Variants in REXO5 observed in about 807,000 individuals in gnomAD.
The protein encoded by REXO5 is exonuclease NEF-sp.
A neutral mutation model predicts 88.5 loss-of-function variants in REXO5; 48 were observed. That is an observed-to-expected ratio of 0.54 (90% confidence interval 0.43 to 0.69). The LOEUF is 0.69. REXO5 is among the 30% of genes least tolerant of loss of function. The pLI, the probability that REXO5 is intolerant of heterozygous loss-of-function variation, is 0.00. For synonymous variants in REXO5, 311 were observed against 336.5 expected (o/e 0.92, Z 0.83); for missense variants, 749 against 912.2 (o/e 0.82, Z 2.30).
chr16:20,813,357 T>C (rs2152500368), intron 3 of REXO5, 55 bp downstream of exon 3: 1 of 926,028 alleles, frequency 1.1e-6, no homozygotes, highest in East Asian at 2.6e-5. Context: ...TTTTTTTTTT[T>C]TTTTTTTACC....
intron 15 of REXO5, among the ~76,000 whole-genome samples, chr16:20,843,354 G>A (rs1283937512): frequency 1.3e-5 from 2 of 152,054 alleles, no homozygotes; most frequent in Admixed American, 1.3e-4. Context: ...AGTGTCCTTT[G>A]ATATACAAAA....
Position 20,845,270 on chromosome 16 carries a change from A to T in REXO5, c.2124+29A>T, listed in dbSNP as rs777515055. Reference sequence around the variant, plus strand: ...AGTGAGTGAAGGCGTCTTGGAGAAGATGTCAGGAGAGTCCTGCTCAGTGAC... The same window carrying T: ...AGTGAGTGAAGGCGTCTTGGAGAAGTTGTCAGGAGAGTCCTGCTCAGTGAC... On this transcript the variant is annotated intron_variant, in intron 18 of 19. Transcript: ENST00000261377. 24 of 1,591,444 alleles carry T rather than the reference A, an allele frequency of 1.5e-5. No individual in the cohort carries two copies. In the South Asian group the frequency reaches 2.5e-4, roughly 16 times the overall value.
intron 5 of REXO5, among the ~76,000 whole-genome samples, chr16:20,819,144 A>G (rs899032925): frequency 2.4e-4 from 36 of 151,962 alleles, no homozygotes; most frequent in African/African-American, 8.7e-4. Flanking sequence ...GTGTATATGT[A>G]CCACATTTTT....
At chr16:20,838,315 A>G (rs1052971970) in intron 13 of REXO5, among the ~76,000 whole-genome samples, 1 of 152,126 alleles carries the variant, frequency 6.6e-6, no homozygotes, top group Non-Finnish European at 1.5e-5. Context: ...TTTTATGTAC[A>G]TAGTTCAGTA....
chr16:20,846,344 G>A lies in REXO5; in HGVS notation c.2243+5G>A, dbSNP rs773485943. ...CCTGCTGCCAGGAACCAAGAGGTAAGGACTAGAAAGGGTATCCCTTCAGGA... is the reference window on the plus strand; with the variant it reads ...CCTGCTGCCAGGAACCAAGAGGTAAAGACTAGAAAGGGTATCCCTTCAGGA... On this transcript the variant is annotated splice_donor_5th_base_variant and intron_variant, in intron 19 of 19. Coordinates refer to ENST00000261377, the MANE Select transcript of REXO5 (RefSeq NM_030941.3). 11 of 1,602,966 alleles carry A rather than the reference G, an allele frequency of 6.9e-6. No homozygotes were observed. The South Asian group carries it at 1.2e-4, about 18-fold the overall frequency.
At chr16:20,807,159 C>G (rs892414536) in intron 2 of REXO5, 68 bp downstream of exon 2, 1 of 1,524,104 alleles carries the variant, frequency 6.6e-7, no homozygotes, top group African/African-American at 1.4e-5. Context: ...CGCCCAACCG[C>G]CGTCGGGGGC....
rs187713103 is a variant in REXO5, at chr16:20,823,120, T to C, written c.616+1218T>C. ...TGTCTCATTGTGATTTTGATTTGCATGTTTCTGTTGGCTGATGATTTTGAG... is the reference window on the plus strand; with the variant it reads ...TGTCTCATTGTGATTTTGATTTGCACGTTTCTGTTGGCTGATGATTTTGAG... On this transcript the variant is annotated intron_variant, in intron 6 of 19. Coordinates refer to ENST00000261377, the MANE Select transcript of REXO5 (RefSeq NM_030941.3). Among the ~76,000 whole-genome samples the C allele has an allele frequency of 2.9e-4, 44 of 152,206 alleles. 1 individual carries two copies. The highest frequency in any genetic ancestry group is 1.2e-3 in the Admixed American group (19 of 15,280).
At chr16:20,837,679 T>C (rs1445822465) in intron 13 of REXO5, among the ~76,000 whole-genome samples, 2 of 152,228 alleles carry the variant, frequency 1.3e-5, no homozygotes, top group African/African-American at 4.8e-5. Context: ...TAATGTTAAC[T>C]GTATCCTTTA....
chr16:20,814,138 C>T (rs1469241751), intron 3 of REXO5, among the ~76,000 whole-genome samples: 2 of 150,266 alleles, frequency 1.3e-5, no homozygotes, highest in African/African-American at 4.9e-5. Context: ...AACTACCCAA[C>T]TTGGCCATTG....
chr16:20,847,372 G>C (rs1414384306), intron 19 of REXO5, among the ~76,000 whole-genome samples: 5 of 150,258 alleles, frequency 3.3e-5, no homozygotes, highest in African/African-American at 9.8e-5. Context: ...GGGGGCAGAG[G>C]TTGCAGTGAG....
intron 5 of REXO5, among the ~76,000 whole-genome samples, chr16:20,818,494 A>G (rs2081115395): frequency 6.6e-6 from 1 of 152,146 alleles, no homozygotes. Flanking sequence ...TTTGAAACAG[A>G]GTCTCGCTCT....
intron 6 of REXO5, among the ~76,000 whole-genome samples, chr16:20,822,870 G>A (rs1054510967): frequency 5.3e-5 from 8 of 152,158 alleles, no homozygotes; most frequent in African/African-American, 1.9e-4. Flanking sequence ...AGTTTTTTGT[G>A]TGGGCACATG....
At chr16:20,823,119 A>C (rs1171765806) in intron 6 of REXO5, among the ~76,000 whole-genome samples, 3 of 152,094 alleles carry the variant, frequency 2.0e-5, no homozygotes, top group Non-Finnish European at 4.4e-5. Context: ...TTTGATTTGC[A>C]TGTTTCTGTT....
chr16:20,815,153 A>G, intron 4 of REXO5, 100 bp downstream of exon 4: 2 of 1,322,418 alleles, frequency 1.5e-6, no homozygotes, highest in Non-Finnish European at 2.1e-6. Context: ...CTAACTGAAC[A>G]AACAGTAGGG....
intron 3 of REXO5, among the ~76,000 whole-genome samples, chr16:20,814,522 G>A (rs541258064): frequency 1.9e-4 from 29 of 152,196 alleles, no homozygotes; most frequent in African/African-American, 4.8e-4. Flanking sequence ...GATTACAGGC[G>A]TGAGTCACCG....
chr16:20,840,154 A>C (rs1308683771), intron 14 of REXO5, 177 bp from the exon 15 acceptor site: 1 of 544,422 alleles, frequency 1.8e-6, no homozygotes, highest in African/African-American at 1.9e-5. Context: ...ATACCTATTA[A>C]CATTTGTGCT....
At chr16:20,807,753 AAAAAC>A (rs1268466373) in intron 2 of REXO5, among the ~76,000 whole-genome samples, 2 of 150,724 alleles carry the variant, frequency 1.3e-5, no homozygotes, top group South Asian at 2.1e-4. Context: ...AAAAAAAACA[AAAAAC>A]AAAACAAAAA....
At chr16:20,815,142 CCTAACTGAACAA>C in intron 4 of REXO5, 89 bp downstream of exon 4, 2 of 1,388,642 alleles carry the variant, frequency 1.4e-6, no homozygotes, top group Non-Finnish European at 1.9e-6. Flanking sequence ...TCCTTGGCAA[CCTAACTGAACAA>C]ACAGTAGGGG....
At position 20,807,073 on chromosome 16, in the gene REXO5, G is replaced by T. The variant is rs771611246; in HGVS notation, c.120G>T (p.Glu40Asp). 1.2e-6 allele frequency: 2 copies of T among 1,603,818 alleles called. No individual in the cohort carries two copies. The highest frequency in any genetic ancestry group is 1.7e-5 in the Admixed American group (1 of 58,272). The change falls in exon 2 of 20, where the codon GAG (glutamate) becomes GAT (aspartate). Residue 40 changes from glutamate to aspartate, a missense_variant. Glu to Asp is a conservative substitution (Grantham distance 45). Coordinates refer to ENST00000261377, the MANE Select transcript of REXO5 (RefSeq NM_030941.3). ...EAMKAGWDLE[E>D]SQPEAKKARL... ...TGAAAGCCGGTTGGGATCTCGAGGAGAGTCAGCCCGAGGCCAAGGTGAGCA... is the reference window on the plus strand; with the variant it reads ...TGAAAGCCGGTTGGGATCTCGAGGATAGTCAGCCCGAGGCCAAGGTGAGCA...
Sources: gnomAD v4.1 joint callset for allele counts (sites outside exome capture counted in the v4.1 genomes callset) on GRCh38, gnomAD v4.1.1 for gene constraint, MANE v1.5 for transcripts, NCBI Gene and HGNC (gene_info 2026-07-23, HGNC 2026-07-21) for gene names.